Variants in ARID1B observed in about 807,000 individuals in gnomAD.
ARID1B encodes the protein AT-rich interaction domain 1B, also known as AT-rich interactive domain-containing protein 1B.
Under a neutral mutation model 212.3 loss-of-function variants are expected in ARID1B, and 30 were observed. That is an observed-to-expected ratio of 0.14 (90% CI 0.11 to 0.19). ARID1B has a LOEUF of 0.19. Among genes scored for constraint, ARID1B ranks in the 10% least tolerant of loss-of-function variants. The pLI is 1.00. For missense variants in ARID1B, 2,891 were observed against 3,204.0 expected, an observed-to-expected ratio of 0.90 and a Z score of 2.36; for synonymous variants, 1,402 against 1,301.7, an observed-to-expected ratio of 1.08 and a Z score of -1.66.
intron 5 of ARID1B, among the ~76,000 whole-genome samples, chr6:157,109,754 A>G (rs77125844): frequency 0.039 from 5,930 of 152,268 alleles, 180 homozygotes; most frequent in Admixed American, 0.064. Flanking sequence ...TGACTTATTA[A>G]GTATTTGCTA....
chr6:156,941,590 T>C (rs1792680319), intron 4 of ARID1B: 2 of 152,256 alleles, frequency 1.3e-5, no homozygotes, highest in Admixed American at 1.3e-4. Flanking sequence ...ATTATTTCTT[T>C]AGGATGTGAT....
chr6:157,139,921 A>C (rs1789218100), intron 7 of ARID1B, among the ~76,000 whole-genome samples: 1 of 151,464 alleles, frequency 6.6e-6, no homozygotes, highest in Non-Finnish European at 1.5e-5. Flanking sequence ...GCAGGTTTTC[A>C]CCATGTTGGC....
intron 13 of ARID1B, among the ~76,000 whole-genome samples, chr6:157,189,352 C>A (rs1044552635): frequency 6.6e-6 from 1 of 152,146 alleles, no homozygotes; most frequent in Non-Finnish European, 1.5e-5. Context: ...GGGATAAATA[C>A]CCCAGAAAAT....
chr6:156,940,108 A>G (rs180754901), intron 4 of ARID1B: 12 of 152,288 alleles, frequency 7.9e-5, no homozygotes, highest in Admixed American at 5.9e-4. Context: ...TGTATTTCAG[A>G]TAGGAGGTTC....
intron 1 of ARID1B, among the ~76,000 whole-genome samples, chr6:156,804,335 C>T (rs1294405808): frequency 8.3e-6 from 1 of 120,450 alleles, no homozygotes; most frequent in Middle Eastern, 5.2e-3. Flanking sequence ...GACTCCGTCT[C>T]AAAAAAAAAG....
chr6:156,871,569 A>T, intron 2 of ARID1B: 1 of 1,557,408 alleles, frequency 6.4e-7, no homozygotes, highest in Non-Finnish European at 8.8e-7. Context: ...TCCTGGACTG[A>T]CTCCAACACT....
intron 3 of ARID1B, among the ~76,000 whole-genome samples, chr6:156,909,123 C>CTTTTTTTTTTTTTTT (rs60183999): frequency 1.8e-5 from 2 of 108,822 alleles, no homozygotes; most frequent in African/African-American, 7.5e-5. Context: ...TTTTCTTTCT[C>CTTTTTTTTTTTTTTT]TTTTTTTTTT....
At chr6:157,024,030 G>A (rs1484571119) in intron 4 of ARID1B, 1 of 152,224 alleles carries the variant, frequency 6.6e-6, no homozygotes, top group Non-Finnish European at 1.5e-5. Flanking sequence ...ATAAACCATG[G>A]CATTCAGCCT....
rs1028134234 is a variant in ARID1B, at chr6:156,797,088, C to T, written c.1791+17617C>T. On this transcript the variant is annotated intron_variant, in intron 1 of 19. Coordinates refer to ENST00000636930, the MANE Select transcript of ARID1B (RefSeq NM_001374828.1). Reference sequence around the variant, plus strand: ...GATACCATGCCCCTTTGTGTATATACTTCCTTTATTCATCAAATAGCTGCT... The same window carrying T: ...GATACCATGCCCCTTTGTGTATATATTTCCTTTATTCATCAAATAGCTGCT... 3.9e-5 allele frequency among the ~76,000 whole-genome samples: 6 copies of T among 152,198 alleles called. No homozygotes were observed. The South Asian group carries it at 1.0e-3, about 26-fold the overall frequency.
At chr6:157,096,097 C>A (rs987861211) in intron 5 of ARID1B, among the ~76,000 whole-genome samples, 1 of 152,158 alleles carries the variant, frequency 6.6e-6, no homozygotes, top group African/African-American at 2.4e-5. Flanking sequence ...TGCAGCCCAG[C>A]AAACTCCTCC....
intron 4 of ARID1B, chr6:156,937,113 A>G (rs553035909): frequency 5.3e-5 from 8 of 151,728 alleles, no homozygotes; most frequent in African/African-American, 1.5e-4. Context: ...TTGGTTTTGA[A>G]GGAGGGAAAT....
intron 4 of ARID1B, among the ~76,000 whole-genome samples, chr6:157,055,273 G>A (rs1782879320): frequency 6.6e-6 from 1 of 152,182 alleles, no homozygotes; most frequent in Admixed American, 6.5e-5. Flanking sequence ...TGGTTAACTA[G>A]ACAATAATCA....
In ARID1B at chr6:156,821,565, C is replaced by T. The variant is rs745344603; in HGVS notation, c.1792-7662C>T. The stretch of plus-strand genomic sequence containing the variant: ...AAAGGATTTGTATGTACATCACTTA[C>T]GGACCCGTCAGGCTCTCTGCAGTTC... On this transcript the variant is annotated intron_variant, in intron 1 of 19. Transcript: ENST00000636930. 1.6e-4 allele frequency among the ~76,000 whole-genome samples: 24 copies of T among 152,212 alleles called. 1 individual carries two copies. Among genetic ancestry groups the T allele is most frequent in the South Asian group, 1.0e-3 (5 of 4,826 alleles).
In ARID1B at chr6:157,148,037, C is replaced by G. The variant is rs150781911; in HGVS notation, c.2762-587C>G. Among the ~76,000 whole-genome samples the G allele has an allele frequency of 4.0e-5, 6 of 150,262 alleles. No individual in the cohort carries two copies. In the East Asian group the frequency reaches 1.2e-3, roughly 30 times the overall value. ...CACAAACCAGCTGCTCGATCTGGTA[C>G]TCAAGCAAAAAAAGAAAGAAAGAAA... On this transcript the variant is annotated intron_variant, in intron 7 of 19. Coordinates refer to ENST00000636930, the MANE Select transcript of ARID1B (RefSeq NM_001374828.1). This position sits in a 1 kb window ranked among gnomAD's most constrained non-coding sequence, Gnocchi z 5.6.
At chr6:157,072,967 T>G (rs1784081008) in intron 4 of ARID1B, among the ~76,000 whole-genome samples, 1 of 152,368 alleles carries the variant, frequency 6.6e-6, no homozygotes, top group African/African-American at 2.4e-5. Context: ...TTATATACTT[T>G]AAAGAAGTGC....
At chr6:157,098,725 T>C (rs577609236) in intron 5 of ARID1B, among the ~76,000 whole-genome samples, 1 of 152,370 alleles carries the variant, frequency 6.6e-6, no homozygotes, top group South Asian at 2.1e-4. Flanking sequence ...AATGGCTGTT[T>C]TATCCACAAA....
rs1356073989 is a variant in ARID1B, at chr6:157,208,797, A to AT, written c.*912dup. Reference sequence around the variant, plus strand: ...TACGAAGTGATGGTAGATTTAAATAATTTTTTATTTTTATTTTATATATTT... The same window carrying AT: ...TACGAAGTGATGGTAGATTTAAATAATTTTTTTATTTTTATTTTATATATTT... On this transcript the variant is annotated 3_prime_UTR_variant, in exon 20 of 20. Coordinates refer to ENST00000636930, the MANE Select transcript of ARID1B (RefSeq NM_001374828.1). 1 of 216,084 alleles carries AT rather than the reference A, an allele frequency of 4.6e-6. No individual in the cohort carries two copies. Among genetic ancestry groups the AT allele is most frequent in the African/African-American group, 2.4e-5 (1 of 42,530 alleles). 13.4% of individuals were successfully genotyped at this position (216,084 alleles called of 1,614,324 possible). A position where few individuals can be genotyped will look rare whatever the true frequency, so the allele number is the denominator to read the frequency against.
At chr6:157,205,148 A>T in intron 19 of ARID1B, 1 of 152,216 alleles carries the variant, frequency 6.6e-6, no homozygotes, top group East Asian at 1.9e-4. Context: ...TGGAAAAAAA[A>T]GGGAAAATGC....
rs376113162 is a variant in ARID1B, at chr6:157,206,835, C to T, written c.6063C>T (p.Thr2021=). Residue 2021 remains threonine (T), a synonymous_variant, in exon 20 of 20, where the codon ACC becomes ACT. Transcript: ENST00000636930. This position sits in a 1 kb window ranked among gnomAD's most constrained non-coding sequence, Gnocchi z 6.8. ...LPEDANPGPQ[T]ESSKFPFGIQ... ...AAGACGCAAACCCTGGGCCCCAGAC[C>T]GAAAGCAGTAAGTTTCCCTTTGGTA... 148 of 1,613,956 alleles carry T rather than the reference C, an allele frequency of 9.2e-5. No individual in the cohort carries two copies. The highest frequency in any genetic ancestry group is 3.2e-4 in the African/African-American group (24 of 74,908).
Sources: gnomAD v4.1 joint callset for allele counts (sites outside exome capture counted in the v4.1 genomes callset) on GRCh38, gnomAD v4.1.1 for gene constraint, Gnocchi (gnomAD v3.1) non-coding constraint, MANE v1.5 for transcripts, NCBI Gene and HGNC (gene_info 2026-07-23, HGNC 2026-07-21) for gene names.